COASY: variants seen among roughly 807,000 people sequenced by gnomAD.
COASY encodes Coenzyme A synthase.
COASY carries 31 observed loss-of-function variants against 49.4 expected under a neutral mutation model. The ratio of observed to expected loss-of-function variants is 0.63; its 90% CI spans 0.47 to 0.85. COASY has a LOEUF of 0.85. Ranked by LOEUF, COASY falls within the 40% of genes least tolerant of loss-of-function variation. The pLI, the probability that COASY is intolerant of heterozygous loss-of-function variation, is 0.00. For synonymous variants in COASY, 285 were observed against 310.9 expected, an observed-to-expected ratio of 0.92 and a Z score of 0.88; for missense variants, 730 against 734.1, an observed-to-expected ratio of 0.99 and a Z score of 0.06.
At position 42,562,365 on chromosome 17, in the gene COASY, C is replaced by G. The variant is rs1488679194; in HGVS notation, c.-258C>G. On this transcript the variant is annotated 5_prime_UTR_variant, in exon 1 of 9. Transcript: ENST00000393818. ...AAGGGTTCCTGTCCAGTTTCCCCCT[C>G]CCAGGATTTCGACTCAGTTCAGCGA... The G allele has an allele frequency of 2.5e-6, 4 of 1,572,402 alleles. No individual in the cohort carries two copies. Among genetic ancestry groups the G allele is most frequent in the Non-Finnish European group, 3.5e-6 (4 of 1,143,144 alleles).
Position 42,565,455 on chromosome 17 carries a change from TG to T in COASY, c.1388-12del. 3.1e-6 allele frequency: 5 copies of T among 1,614,074 alleles called. No individual in the cohort carries two copies. Among genetic ancestry groups the T allele is most frequent in the Non-Finnish European group, 4.2e-6 (5 of 1,179,942 alleles). On this transcript the variant is annotated splice_polypyrimidine_tract_variant and intron_variant, in intron 6 of 8. Transcript: ENST00000393818. ...GAACGTCGGCACTGCTGGCGGTGACTGGGGTCTCCCCACAGGAAAGCGTGTG... is the reference window on the plus strand; with the variant it reads ...GAACGTCGGCACTGCTGGCGGTGACTGGGTCTCCCCACAGGAAAGCGTGTG...
At chr17:42,563,848 C>G in intron 1 of COASY, 113 bp from the exon 2 acceptor site, 2 of 804,312 alleles carry the variant, frequency 2.5e-6, no homozygotes, top group Non-Finnish European at 4.0e-6. Context: ...CAGTTGAACC[C>G]TTTCTGCCAC....
In COASY at chr17:42,566,254, G is replaced by T. The variant is rs2093004520; in HGVS notation, c.*286G>T. Reference sequence around the variant, plus strand: ...AGCGCAAATACTGGAACCTGTAACAGAATTAAAGGTGAATGTTCTGAGATG... The same window carrying T: ...AGCGCAAATACTGGAACCTGTAACATAATTAAAGGTGAATGTTCTGAGATG... On this transcript the variant is annotated 3_prime_UTR_variant, in exon 9 of 9. Coordinates refer to ENST00000393818, the MANE Select transcript of COASY (RefSeq NM_025233.7). 2 of 480,826 alleles carry T rather than the reference G, an allele frequency of 4.2e-6. No homozygotes were observed. Among genetic ancestry groups the T allele is most frequent in the Non-Finnish European group, 7.6e-6 (2 of 264,180 alleles). 29.8% of individuals were successfully genotyped at this position (480,826 alleles called of 1,614,324 possible). A position where few individuals can be genotyped will look rare whatever the true frequency, so the allele number is the denominator to read the frequency against.
Position 42,565,551 on chromosome 17 carries a change from G to A in COASY, c.1468G>A (p.Val490Ile). 2.5e-6 allele frequency: 4 copies of A among 1,614,196 alleles called. No homozygotes were observed. Among genetic ancestry groups the A allele is most frequent in the Non-Finnish European group, 2.5e-6 (3 of 1,180,026 alleles). Reference protein sequence around the residue: ...QNLVHEVWTAVIPETEAVRRI... With the variant: ...QNLVHEVWTAIIPETEAVRRI... ...CCTGGTCCATGAGGTGTGGACTGCT[G>A]TCATCCCAGAGACTGAGGTATCTCG... Residue 490 changes from valine (V) to isoleucine (I), a missense_variant, in exon 7 of 9, where the codon GTC becomes ATC. Val to Ile is a conservative substitution (Grantham distance 29). Transcript: ENST00000393818.
Position 42,564,133 on chromosome 17 carries a change from C to G in COASY, c.873C>G (p.Thr291=), listed in dbSNP as rs1392713414. The G allele has an allele frequency of 1.1e-5, 17 of 1,613,992 alleles. No individual in the cohort carries two copies. The highest frequency in any genetic ancestry group is 2.7e-5 in the African/African-American group (2 of 74,886). ...SLEFLVVSEE[T]YRGGMAINRF... ...AGTTCCTGGTGGTCAGCGAGGAGAC[C>G]TATCGTGGGGGGATGGCCATCAACC... Residue 291 remains threonine (T), a synonymous_variant, in exon 2 of 9, where the codon ACC becomes ACG. Coordinates refer to ENST00000393818, the MANE Select transcript of COASY (RefSeq NM_025233.7).
chr17:42,564,779 C>G lies in COASY; in HGVS notation c.1118C>G (p.Ser373Ter). 1 of 1,542,706 alleles carries G rather than the reference C, an allele frequency of 6.5e-7. No individual in the cohort carries two copies. Among genetic ancestry groups the G allele is most frequent in the Non-Finnish European group, 8.7e-7 (1 of 1,149,478 alleles). ...GGCATCAGTGGCTCTGGGAAGAGCT[C>G]AATAGCTCAGCGACTGAAGGGCCTG... ...LTGISGSGKS[S>*]IAQRLKGLGA... Residue 373 changes from serine (S) to a stop codon, truncating the protein, a stop_gained, in exon 4 of 9, where the codon TCA becomes TGA. Coordinates refer to ENST00000393818, the MANE Select transcript of COASY (RefSeq NM_025233.7). LOFTEE classifies it high-confidence loss of function.
rs762483163 is a variant in COASY at position 42,564,703 on chromosome 17, C to G, written c.1048-6C>G. 1.3e-6 allele frequency: 2 copies of G among 1,525,886 alleles called. No individual in the cohort carries two copies. The highest frequency in any genetic ancestry group is 2.3e-5 in the East Asian group (1 of 44,270). The allele number at this position is 1,525,886 out of a possible 1,614,324, so 94.5% of individuals were successfully genotyped here. On this transcript the variant is annotated splice_region_variant and splice_polypyrimidine_tract_variant and intron_variant, in intron 3 of 8. Coordinates refer to ENST00000393818, the MANE Select transcript of COASY (RefSeq NM_025233.7). ...TAACTGTGGGTTCCCTTTCACCTATCCCCAGGAAAGGCCAGAGCTCCCCAC... is the reference window on the plus strand; with the variant it reads ...TAACTGTGGGTTCCCTTTCACCTATGCCCAGGAAAGGCCAGAGCTCCCCAC...
rs2092983437 is a variant in COASY, at chr17:42,562,854, C to T, written c.232C>T (p.His78Tyr). 2 of 1,613,438 alleles carry T rather than the reference C, an allele frequency of 1.2e-6. No homozygotes were observed. The highest frequency in any genetic ancestry group is 1.1e-5 in the South Asian group (1 of 91,078). Residue 78 changes from histidine (H) to tyrosine (Y), a missense_variant, in exon 1 of 9, where the codon CAC (histidine) becomes TAC (tyrosine). Physicochemically the swap from His to Tyr is moderately conservative, Grantham distance 83. Transcript: ENST00000393818. ...GCACCTCTATGCTGGCGCCGACGTC[C>T]ACAGGCACTTGGACGTCAGAATCCT... ...ITHLYAGADV[H>Y]RHLDVRILLT... is the part of the protein sequence containing the mutation.
chr17:42,566,123 C>A lies in COASY; in HGVS notation c.*155C>A. ...AGGCCTGGTGGACACAGGAAGCCTA[C>A]CCAACACGCTGGTATTTGGCCAACA... On this transcript the variant is annotated 3_prime_UTR_variant, in exon 9 of 9. Coordinates refer to ENST00000393818, the MANE Select transcript of COASY (RefSeq NM_025233.7). 1 of 738,232 alleles carries A rather than the reference C, an allele frequency of 1.4e-6. No homozygotes were observed. The highest frequency in any genetic ancestry group is 2.3e-6 in the Non-Finnish European group (1 of 444,130). 45.7% of individuals were successfully genotyped at this position (738,232 alleles called of 1,614,324 possible). A position where few individuals can be genotyped will look rare whatever the true frequency, so the allele number is the denominator to read the frequency against.
intron 3 of COASY, 65 bp downstream of exon 3, chr17:42,564,642 G>T: frequency 6.4e-7 from 1 of 1,554,546 alleles, no homozygotes; most frequent in Admixed American, 1.9e-5. Flanking sequence ...TAGAAGCTGA[G>T]GGGCTCAGCC....
At position 42,564,426 on chromosome 17, in the gene COASY, C is replaced by A. The variant is rs771807432; in HGVS notation, c.916-20C>A. The A allele has an allele frequency of 6.2e-7, 1 of 1,613,908 alleles. No individual in the cohort carries two copies. Reference sequence around the variant, plus strand: ...CTCACTCCCTCCTTCCCTCTTTTTACCCTTTCCTCTTTACCCCAGGACCTG... The same window carrying A: ...CTCACTCCCTCCTTCCCTCTTTTTAACCTTTCCTCTTTACCCCAGGACCTG... On this transcript the variant is annotated intron_variant, in intron 2 of 8. Transcript: ENST00000393818.
In COASY at chr17:42,566,133, T is replaced by C; in HGVS notation, c.*165T>C. The C allele has an allele frequency of 1.4e-6, 1 of 691,506 alleles. No individual in the cohort carries two copies. Among genetic ancestry groups the C allele is most frequent in the Non-Finnish European group, 2.4e-6 (1 of 408,564 alleles). The allele number at this position is 691,506 out of a possible 1,614,324, so 42.8% of individuals were successfully genotyped here. On this transcript the variant is annotated 3_prime_UTR_variant, in exon 9 of 9. Transcript: ENST00000393818. ...GACACAGGAAGCCTACCCAACACGC[T>C]GGTATTTGGCCAACACTGAGGATGT...
chr17:42,565,149 C>A, intron 5 of COASY, 78 bp from the exon 6 acceptor site: 1 of 1,587,374 alleles, frequency 6.3e-7, no homozygotes, highest in Non-Finnish European at 8.7e-7. Flanking sequence ...TTCCATTGAT[C>A]TGTTCCCAAC....
chr17:42,565,991 T>C lies in COASY; in HGVS notation c.*23T>C. 2 of 1,613,224 alleles carry C rather than the reference T, an allele frequency of 1.2e-6. No individual in the cohort carries two copies. The highest frequency in any genetic ancestry group is 2.2e-5 in the South Asian group (2 of 91,074). Reference sequence around the variant, plus strand: ...TGAAAAGTTCTCAGTGGGGCCAGACTGGCTCCTGGAGCTGACAAGCGACCC... The same window carrying C: ...TGAAAAGTTCTCAGTGGGGCCAGACCGGCTCCTGGAGCTGACAAGCGACCC... On this transcript the variant is annotated 3_prime_UTR_variant, in exon 9 of 9. Transcript: ENST00000393818.
chr17:42,562,456 C>G lies in COASY; in HGVS notation c.-167C>G. The G allele has an allele frequency of 1.2e-6, 2 of 1,613,878 alleles. No homozygotes were observed. The highest frequency in any genetic ancestry group is 1.7e-6 in the Non-Finnish European group (2 of 1,179,854). ...GAGCACAGCCCCGAGGCGCCGTCTACCAGGCCCCGTCCCCTCCCCCGGCTC... is the reference window on the plus strand; with the variant it reads ...GAGCACAGCCCCGAGGCGCCGTCTAGCAGGCCCCGTCCCCTCCCCCGGCTC... On this transcript the variant is annotated 5_prime_UTR_variant, in exon 1 of 9. The change creates a premature stop within an existing upstream ORF in the 5' untranslated region. Transcript: ENST00000393818.
rs745397408 is a variant in COASY, at chr17:42,562,640, G to A, written c.18G>A (p.Ser6=). Residue 6 remains serine, a synonymous_variant, in exon 1 of 9, where the codon TCG becomes TCA. Transcript: ENST00000393818. ...TGGGCAGCATGGCCGTATTCCGGTC[G>A]GGTCTCCTGGTGCTGACGACGCCGC... MAVFR[S]GLLVLTTPLA... 6.6e-6 allele frequency: 10 copies of A among 1,521,198 alleles called. No homozygotes were observed. The South Asian group carries it at 1.0e-4, about 16-fold the overall frequency. The allele number at this position is 1,521,198 out of a possible 1,614,324, so 94.2% of individuals were successfully genotyped here.
chr17:42,564,970 C>T lies in COASY; in HGVS notation c.1238-13C>T. The T allele has an allele frequency of 6.2e-7, 1 of 1,614,156 alleles. No individual in the cohort carries two copies. ...CAGGCCTCTGTGCTCAGTTGTCTGT[C>T]TGTGTTGTCCAGATATTCTCCATAA... On this transcript the variant is annotated splice_polypyrimidine_tract_variant and intron_variant, in intron 4 of 8. Transcript: ENST00000393818.
In COASY at chr17:42,563,304, G is replaced by C; in HGVS notation, c.682G>C (p.Asp228His). Reference sequence around the variant, plus strand: ...GGAGCAGCTTGTGGTGGGAGTAGCAGACAAAGATCTGTTGAAGAGTGAGTA... The same window carrying C: ...GGAGCAGCTTGTGGTGGGAGTAGCACACAAAGATCTGTTGAAGAGTGAGTA... Reference protein sequence around the residue: ...AQEQLVVGVADKDLLKSKLLP... With the variant: ...AQEQLVVGVAHKDLLKSKLLP... The change falls in exon 1 of 9, where the codon GAC (aspartate) becomes CAC (histidine). Residue 228 changes from aspartate to histidine, a missense_variant. By Grantham distance (81) the Asp-to-His change is moderately conservative. Coordinates refer to ENST00000393818, the MANE Select transcript of COASY (RefSeq NM_025233.7). 6.3e-7 allele frequency: 1 copy of C among 1,596,452 alleles called. No individual in the cohort carries two copies. Among genetic ancestry groups the C allele is most frequent in the Non-Finnish European group, 8.5e-7 (1 of 1,173,876 alleles).
chr17:42,565,137 A>G (rs2092995796), intron 5 of COASY, 90 bp downstream of exon 5: 5 of 1,587,432 alleles, frequency 3.1e-6, no homozygotes, highest in Non-Finnish European at 2.6e-6. Context: ...CCAGAATGCC[A>G]TTTCCATTGA....
Sources: allele counts gnomAD v4.1 joint callset, GRCh38; gene constraint gnomAD v4.1.1; transcripts MANE v1.5; gene names NCBI Gene and HGNC (gene_info 2026-07-23, HGNC 2026-07-21).